SH3GL2: variants seen among roughly 807,000 people sequenced by gnomAD.
SH3GL2 encodes the protein SH3 domain containing GRB2 like 2, endophilin A1.
SH3GL2 carries 24 observed loss-of-function variants against 46.0 expected under a neutral mutation model. That is an observed-to-expected ratio of 0.52 (90% CI 0.38 to 0.73). SH3GL2 has a LOEUF of 0.73. Ranked by LOEUF, SH3GL2 falls within the 30% of genes least tolerant of loss-of-function variation. The pLI, the probability that SH3GL2 is intolerant of heterozygous loss-of-function variation, is 0.00. For missense variants in SH3GL2, 413 were observed against 424.2 expected (o/e 0.97, Z 0.23); for synonymous variants, 196 against 147.1 (o/e 1.33, Z -2.40).
intron 3 of SH3GL2, among the ~76,000 whole-genome samples, chr9:17,768,349 C>T (rs143964482): frequency 0.086 from 11,010 of 128,552 alleles, 1,067 homozygotes; most frequent in African/African-American, 0.25. Context: ...GCAGCCTGGG[C>T]GACAGAGCGG....
Position 17,795,926 on chromosome 9 carries a change from T to A in SH3GL2, c.*183T>A. The A allele has an allele frequency of 1.7e-6, 1 of 585,724 alleles. No individual in the cohort carries two copies. The highest frequency in any genetic ancestry group is 3.0e-6 in the Non-Finnish European group (1 of 329,004). The allele number at this position is 585,724 out of a possible 1,614,324, so 36.3% of individuals were successfully genotyped here. ...GGAGTCATGGTGATGGATGATATCC[T>A]CTTAGCCTGGTGGGCGTGGCATGTG... On this transcript the variant is annotated 3_prime_UTR_variant, in exon 9 of 9. Transcript: ENST00000380607.
intron 2 of SH3GL2, among the ~76,000 whole-genome samples, chr9:17,756,918 T>G (rs1823010891): frequency 6.6e-6 from 1 of 152,230 alleles, no homozygotes; most frequent in African/African-American, 2.4e-5. Context: ...TCCACAATGG[T>G]TGAACCAGTT....
chr9:17,674,729 A>G (rs546710687), intron 1 of SH3GL2, among the ~76,000 whole-genome samples: 1 of 152,136 alleles, frequency 6.6e-6, no homozygotes, highest in African/African-American at 2.4e-5. Context: ...CCTTACTCAC[A>G]TCTCTGGCAA....
chr9:17,633,949 G>T (rs1588191316), intron 1 of SH3GL2, among the ~76,000 whole-genome samples: 1 of 152,206 alleles, frequency 6.6e-6, no homozygotes. Context: ...TTTCTCCACT[G>T]CTGTGGTATG....
intron 1 of SH3GL2, among the ~76,000 whole-genome samples, chr9:17,703,551 T>G (rs1365436276): frequency 2.6e-5 from 4 of 151,968 alleles, no homozygotes; most frequent in Admixed American, 2.6e-4. Context: ...GCAAAAATCC[T>G]CAGGAAAATA....
At chr9:17,750,085 C>T (rs1822802129) in intron 2 of SH3GL2, among the ~76,000 whole-genome samples, 1 of 152,090 alleles carries the variant, frequency 6.6e-6, no homozygotes, top group South Asian at 2.1e-4. Context: ...ATTTTGCACC[C>T]TCCACTCATG....
At chr9:17,755,745 C>G in intron 2 of SH3GL2, 1 of 981,960 alleles carries the variant, frequency 1.0e-6, no homozygotes, top group Non-Finnish European at 1.2e-6. Flanking sequence ...ATCTTTCAGT[C>G]CTTTTGTTGC....
chr9:17,660,391 C>T (rs759167700), intron 1 of SH3GL2, among the ~76,000 whole-genome samples: 2 of 152,142 alleles, frequency 1.3e-5, no homozygotes, highest in Admixed American at 1.3e-4. Flanking sequence ...CTGCCTACAG[C>T]GTTCTACCCT....
chr9:17,789,523 A>T lies in SH3GL2; in HGVS notation c.597A>T (p.Ser199=). Reference sequence around the variant, plus strand: ...ATGAGTCTAAGGAAATTGCTGAGTCAAGCATGTTCAATCTCTTGGAGATGG... The same window carrying T: ...ATGAGTCTAAGGAAATTGCTGAGTCTAGCATGTTCAATCTCTTGGAGATGG... ...KFDESKEIAE[S]SMFNLLEMDI... The change falls in exon 6 of 9, where the codon TCA becomes TCT. Residue 199 remains serine (S), a synonymous_variant. Coordinates refer to ENST00000380607, the MANE Select transcript of SH3GL2 (RefSeq NM_003026.5). 5 of 1,613,468 alleles carry T rather than the reference A, an allele frequency of 3.1e-6. No homozygotes were observed. Among genetic ancestry groups the T allele is most frequent in the Non-Finnish European group, 4.2e-6 (5 of 1,179,538 alleles).
chr9:17,704,814 C>G (rs1040822537), intron 1 of SH3GL2, among the ~76,000 whole-genome samples: 12 of 151,988 alleles, frequency 7.9e-5, no homozygotes, highest in African/African-American at 2.9e-4. Context: ...AATGTAAAAC[C>G]TAAAACTGTA....
intron 2 of SH3GL2, 125 bp downstream of exon 2, chr9:17,747,259 T>C (rs1822718195): frequency 1.7e-6 from 1 of 576,658 alleles, no homozygotes; most frequent in South Asian, 2.7e-5. Flanking sequence ...CATTTTGTTA[T>C]TTAAAACTAC....
intron 1 of SH3GL2, among the ~76,000 whole-genome samples, chr9:17,628,466 AT>A (rs1412857997): frequency 6.6e-6 from 1 of 151,042 alleles, no homozygotes; most frequent in Non-Finnish European, 1.5e-5. Flanking sequence ...GTGCATGCAC[AT>A]TTATCTATTT....
chr9:17,739,903 C>T (rs1822474157), intron 1 of SH3GL2, among the ~76,000 whole-genome samples: 1 of 152,042 alleles, frequency 6.6e-6, no homozygotes, highest in South Asian at 2.1e-4. Flanking sequence ...ACAGTTACAG[C>T]ATCATACAAA....
rs757341641 is a variant in SH3GL2 at position 17,579,221 on chromosome 9, C to T, written c.-22C>T. On this transcript the variant is annotated 5_prime_UTR_variant, in exon 1 of 9. Transcript: ENST00000380607. ...CGCCTCCTCCCTCCCGCACAGCAGC[C>T]GCCAGCGCGGCCTCCTGCACCATGT... 2.0e-6 allele frequency: 3 copies of T among 1,537,776 alleles called. No homozygotes were observed. The highest frequency in any genetic ancestry group is 1.2e-5 in the South Asian group (1 of 83,644).
intron 4 of SH3GL2, among the ~76,000 whole-genome samples, 193 bp from the exon 5 acceptor site, chr9:17,787,187 A>G (rs895974438): frequency 3.3e-5 from 5 of 152,138 alleles, no homozygotes; most frequent in Admixed American, 6.6e-5. Context: ...TCCATTCTTG[A>G]TGAGAGGTAT....
chr9:17,597,962 C>T (rs943373224), intron 1 of SH3GL2, among the ~76,000 whole-genome samples: 1 of 152,188 alleles, frequency 6.6e-6, no homozygotes, highest in African/African-American at 2.4e-5. Context: ...GGATAAAATA[C>T]TCATTCCCTG....
chr9:17,773,625 A>T (rs995906704), intron 3 of SH3GL2, among the ~76,000 whole-genome samples: 4 of 152,142 alleles, frequency 2.6e-5, no homozygotes, highest in Non-Finnish European at 2.9e-5. Context: ...TGTATGCAAG[A>T]GTTTATTTCT....
intron 6 of SH3GL2, chr9:17,790,347 C>G: frequency 1.5e-6 from 1 of 645,846 alleles, no homozygotes; most frequent in Non-Finnish European, 1.9e-6. Context: ...CTGGGGATCC[C>G]TTAATCTAGT....
chr9:17,775,613 T>C (rs1202208497), intron 3 of SH3GL2, among the ~76,000 whole-genome samples: 1 of 152,226 alleles, frequency 6.6e-6, no homozygotes, highest in Non-Finnish European at 1.5e-5. Flanking sequence ...TACAAATTAT[T>C]CGGCATTTGT....
Sources: allele counts gnomAD v4.1 joint callset (sites outside exome capture counted in the v4.1 genomes callset), GRCh38; gene constraint gnomAD v4.1.1; transcripts MANE v1.5; gene names NCBI Gene and HGNC (gene_info 2026-07-23, HGNC 2026-07-21).